The following TENM2 variants were observed in gnomAD, a reference collection of about 807,000 sequenced individuals.
TENM2 encodes teneurin transmembrane protein 2, also known as teneurin-2.
Under a neutral mutation model 245.2 loss-of-function variants are expected in TENM2, and 52 were observed. The observed-to-expected ratio is 0.21, with a 90% CI of 0.17 to 0.27. TENM2 has a LOEUF of 0.27. Ranked by LOEUF, TENM2 falls within the 10% of genes least tolerant of loss-of-function variation. The probability of loss-of-function intolerance (pLI) is 1.00; values close to 1 mark genes in which losing one functional copy is unlikely to be tolerated. For synonymous variants in TENM2, 1,363 were observed against 1,438.9 expected (o/e 0.95, Z 1.19); for missense variants, 3,046 against 3,666.8 (o/e 0.83, Z 4.37).
chr5:168,005,422 G>A (rs1256167740), intron 5 of TENM2, among the ~76,000 whole-genome samples: 1 of 152,088 alleles, frequency 6.6e-6, no homozygotes, highest in Non-Finnish European at 1.5e-5. Context: ...TGCTAATTTT[G>A]CCCACGCCCT....
chr5:167,951,258 A>T (rs552540389), intron 3 of TENM2, among the ~76,000 whole-genome samples: 1 of 152,342 alleles, frequency 6.6e-6, no homozygotes, highest in African/African-American at 2.4e-5. Flanking sequence ...CCAACTTCTT[A>T]AAGCCAGGAC....
intron 2 of TENM2, among the ~76,000 whole-genome samples, chr5:167,874,423 T>G (rs1773246067): frequency 6.6e-6 from 1 of 152,152 alleles, no homozygotes; most frequent in African/African-American, 2.4e-5. Context: ...AAATGGACAT[T>G]GATTTGAGGT....
intron 17 of TENM2, 39 bp from the exon 20 acceptor site, chr5:168,203,650 T>C: frequency 6.5e-7 from 1 of 1,541,910 alleles, no homozygotes; most frequent in Non-Finnish European, 8.8e-7. Context: ...GTAAACTCTC[T>C]CTTTTCTCTC....
intron 1 of TENM2, among the ~76,000 whole-genome samples, chr5:167,368,660 T>C (rs1760209006): frequency 6.6e-6 from 1 of 152,154 alleles, no homozygotes; most frequent in African/African-American, 2.4e-5. Context: ...TGGGATACTG[T>C]GTCTTGACAG....
At chr5:167,895,097 C>T (rs1221574028) in intron 3 of TENM2, among the ~76,000 whole-genome samples, 1 of 152,116 alleles carries the variant, frequency 6.6e-6, no homozygotes, top group Admixed American at 6.5e-5. Flanking sequence ...AGTCGTAAAA[C>T]TTCTCAGGGC....
the TENM2 span, among the ~76,000 whole-genome samples, chr5:167,136,157 C>T: frequency 2.6e-5 from 4 of 152,150 alleles, no homozygotes. Context: ...TCTTTATGCA[C>T]CTATGTAAAT....
chr5:167,963,060 A>T (rs1482002567), intron 4 of TENM2, among the ~76,000 whole-genome samples: 1 of 152,228 alleles, frequency 6.6e-6, no homozygotes, highest in Non-Finnish European at 1.5e-5. Context: ...ATAAGCAAAA[A>T]GATAGTTCAA....
At chr5:167,937,107 A>G (rs760762264) in intron 3 of TENM2, among the ~76,000 whole-genome samples, 1 of 152,232 alleles carries the variant, frequency 6.6e-6, no homozygotes, top group Non-Finnish European at 1.5e-5. Context: ...ATTACCTCAC[A>G]TACTTTTCAG....
At chr5:168,174,702 A>T (rs967125309) in intron 13 of TENM2, among the ~76,000 whole-genome samples, 1 of 152,194 alleles carries the variant, frequency 6.6e-6, no homozygotes, top group Non-Finnish European at 1.5e-5. Context: ...GCCCTGGGCC[A>T]GCTGATGAGG....
chr5:167,882,029 G>A (rs1773920192), intron 3 of TENM2, among the ~76,000 whole-genome samples: 1 of 152,208 alleles, frequency 6.6e-6, no homozygotes, highest in Non-Finnish European at 1.5e-5. Context: ...AAGCTGGAAA[G>A]TGAAGGATTT....
chr5:167,393,711 C>G (rs1761896536), intron 2 of TENM2, among the ~76,000 whole-genome samples: 2 of 151,928 alleles, frequency 1.3e-5, no homozygotes, highest in African/African-American at 4.8e-5. Flanking sequence ...ATCTGACTTC[C>G]CATGTAAAAG....
the TENM2 span, among the ~76,000 whole-genome samples, chr5:167,040,734 T>C: frequency 6.6e-6 from 1 of 152,204 alleles, no homozygotes; most frequent in South Asian, 2.1e-4. Flanking sequence ...ATATATATAA[T>C]ATTTTCCCCA....
intron 2 of TENM2, among the ~76,000 whole-genome samples, chr5:167,685,175 C>T (rs1452905028): frequency 6.6e-6 from 1 of 152,196 alleles, no homozygotes; most frequent in Non-Finnish European, 1.5e-5. Flanking sequence ...AATATAAGTG[C>T]TATTTTTGAA....
intron 2 of TENM2, among the ~76,000 whole-genome samples, chr5:167,750,994 C>CT (rs1486907496): frequency 6.6e-6 from 1 of 152,100 alleles, no homozygotes; most frequent in African/African-American, 2.4e-5. Context: ...TCAGGAAAGG[C>CT]TTCCTTAAAG....
At chr5:167,645,428 T>A (rs1482153384) in intron 2 of TENM2, among the ~76,000 whole-genome samples, 2 of 151,884 alleles carry the variant, frequency 1.3e-5, no homozygotes, top group East Asian at 3.9e-4. Context: ...CAGGGACTCA[T>A]AGCAAGCAAA....
At chr5:167,370,927 A>G (rs1276236041) in intron 1 of TENM2, among the ~76,000 whole-genome samples, 1 of 152,224 alleles carries the variant, frequency 6.6e-6, no homozygotes. Context: ...AAACATAATT[A>G]TGCGAGATGA....
the TENM2 span, among the ~76,000 whole-genome samples, chr5:167,176,028 A>C: frequency 5.5e-3 from 835 of 152,260 alleles, 9 homozygotes; most frequent in African/African-American, 0.019. Context: ...GGTCTTTCTC[A>C]AATCAAAACC....
At chr5:167,547,850 A>G (rs1056820594) in intron 2 of TENM2, among the ~76,000 whole-genome samples, 3 of 152,220 alleles carry the variant, frequency 2.0e-5, no homozygotes, top group African/African-American at 7.2e-5. Context: ...CTTCAATTTA[A>G]GGGACAAAGG....
intron 2 of TENM2, among the ~76,000 whole-genome samples, chr5:167,794,858 G>T (rs562917904): frequency 6.6e-6 from 1 of 152,298 alleles, no homozygotes; most frequent in East Asian, 1.9e-4. Context: ...AAACCTACAG[G>T]TTAGTTACTA....
Sources: gnomAD v4.1 joint callset for allele counts (sites outside exome capture counted in the v4.1 genomes callset) on GRCh38, gnomAD v4.1.1 for gene constraint, MANE v1.5 for transcripts, NCBI Gene and HGNC (gene_info 2026-07-23, HGNC 2026-07-21) for gene names.